CSMD1: variants seen among roughly 807,000 people sequenced by gnomAD.
CSMD1 encodes the protein CUB and Sushi multiple domains 1.
Under a neutral mutation model 417.5 loss-of-function variants are expected in CSMD1, and 213 were observed. The ratio of observed to expected loss-of-function variants is 0.51; its 90% CI spans 0.46 to 0.57. The LOEUF is 0.57. Among genes scored for constraint, CSMD1 ranks in the 20% least tolerant of loss-of-function variants. The pLI, the probability that CSMD1 is intolerant of heterozygous loss-of-function variation, is 0.00. For missense variants in CSMD1, 6,923 were observed against 4,529.7 expected (o/e 1.53, Z -15.17); for synonymous variants, 2,862 against 1,736.8 (o/e 1.65, Z -16.11).
At chr8:4,030,739 T>A (rs1325468845) in intron 4 of CSMD1, among the ~76,000 whole-genome samples, 1 of 152,186 alleles carries the variant, frequency 6.6e-6, no homozygotes, top group Non-Finnish European at 1.5e-5. Context: ...GGGATTTTCT[T>A]TTCTATCACA....
chr8:3,653,525 T>A (rs1484406413), intron 7 of CSMD1, among the ~76,000 whole-genome samples: 2 of 152,158 alleles, frequency 1.3e-5, no homozygotes, highest in African/African-American at 4.8e-5. Flanking sequence ...GCCAAGCTGG[T>A]CTCGAACTCC....
chr8:4,541,135 C>A (rs1797365135), intron 2 of CSMD1, among the ~76,000 whole-genome samples: 2 of 152,068 alleles, frequency 1.3e-5, no homozygotes, highest in South Asian at 4.1e-4. Context: ...GATTTTTTTA[C>A]CACCAATTTA....
At chr8:4,161,840 ATTT>A (rs918534749) in intron 3 of CSMD1, among the ~76,000 whole-genome samples, 1 of 152,260 alleles carries the variant, frequency 6.6e-6, no homozygotes, top group Non-Finnish European at 1.5e-5. Flanking sequence ...ATGTCACTGC[ATTT>A]TTTTCTTTGC....
At chr8:3,389,187 G>C (rs1811199065) in intron 17 of CSMD1, among the ~76,000 whole-genome samples, 2 of 152,088 alleles carry the variant, frequency 1.3e-5, no homozygotes, top group Admixed American at 1.3e-4. Flanking sequence ...TGTCATGGGA[G>C]TTTGTTGTAC....
intron 2 of CSMD1, among the ~76,000 whole-genome samples, chr8:4,449,823 C>G (rs1799027851): frequency 6.6e-6 from 1 of 152,098 alleles, no homozygotes; most frequent in Admixed American, 6.5e-5. Context: ...GCTTCCCCTC[C>G]TACGTTCCCT....
At chr8:4,563,744 T>G (rs1157596847) in intron 2 of CSMD1, among the ~76,000 whole-genome samples, 1 of 152,174 alleles carries the variant, frequency 6.6e-6, no homozygotes, top group African/African-American at 2.4e-5. Context: ...CCTGTTGACA[T>G]GTTAACATGA....
In CSMD1 at chr8:3,588,029, C is replaced by T. The variant is rs529595145; in HGVS notation, c.1098-1769G>A. ...ATCTGTAATTGTAGACATATTCTGC[C>T]GCCATCGTTTTTGATCATTGGTCTG... On this transcript the variant is annotated intron_variant, in intron 8 of 69. Coordinates refer to ENST00000635120, the MANE Select transcript of CSMD1 (RefSeq NM_033225.6). Among the ~76,000 whole-genome samples, 9 of 152,156 alleles carry T rather than the reference C, an allele frequency of 5.9e-5. No homozygotes were observed. The South Asian group carries it at 8.4e-4, about 14-fold the overall frequency.
At chr8:4,975,738 T>A (rs1434969049) in intron 1 of CSMD1, among the ~76,000 whole-genome samples, 1 of 152,178 alleles carries the variant, frequency 6.6e-6, no homozygotes, top group South Asian at 2.1e-4. Context: ...GCTGAGACAA[T>A]GAAGACACGG....
intron 1 of CSMD1, among the ~76,000 whole-genome samples, chr8:4,810,363 C>A (rs779127644): frequency 6.6e-6 from 1 of 152,048 alleles, no homozygotes; most frequent in Admixed American, 6.6e-5. Context: ...TTGTTTTTGA[C>A]TTTTGATAAT....
chr8:4,264,046 T>C (rs1055820295), intron 3 of CSMD1, among the ~76,000 whole-genome samples: 9 of 152,154 alleles, frequency 5.9e-5, no homozygotes, highest in African/African-American at 1.7e-4. Flanking sequence ...TTGGGCAAGT[T>C]TGTTAACTAC....
At chr8:4,714,705 C>T (rs1289797492) in intron 1 of CSMD1, among the ~76,000 whole-genome samples, 7 of 151,974 alleles carry the variant, frequency 4.6e-5, no homozygotes, top group Non-Finnish European at 7.4e-5. Context: ...CAAATTTACT[C>T]GAGAATACAA....
At chr8:3,996,738 G>A (rs1815253163) in intron 5 of CSMD1, among the ~76,000 whole-genome samples, 2 of 152,082 alleles carry the variant, frequency 1.3e-5, no homozygotes, top group Admixed American at 6.5e-5. Flanking sequence ...GAATTTGTTT[G>A]GTTTCTTCCT....
Position 3,070,481 on chromosome 8 carries a change from C to CT in CSMD1, c.7474+16615dup, listed in dbSNP as rs575661309. Among the ~76,000 whole-genome samples the CT allele has an allele frequency of 2.9e-3, 444 of 152,278 alleles. 1 individual carries two copies. Among genetic ancestry groups the CT allele is most frequent in the African/African-American group, 0.01 (420 of 41,578 alleles). ...TGAATGTTTTGCTGCTTTGAAATTTCTTTAACCAGATACCCAACTCATTAT... is the reference window on the plus strand; with the variant it reads ...TGAATGTTTTGCTGCTTTGAAATTTCTTTTAACCAGATACCCAACTCATTAT... On this transcript the variant is annotated intron_variant, in intron 49 of 69. Coordinates refer to ENST00000635120, the MANE Select transcript of CSMD1 (RefSeq NM_033225.6).
Position 2,950,321 on chromosome 8 carries a change from G to C in CSMD1, c.10224C>G (p.Ala3408=), listed in dbSNP as rs757540481. The C allele has an allele frequency of 6.2e-7, 1 of 1,612,756 alleles. No individual in the cohort carries two copies. The highest frequency in any genetic ancestry group is 8.5e-7 in the Non-Finnish European group (1 of 1,178,876). Residue 3408 remains alanine, a synonymous_variant, in exon 67 of 70, where the codon GCC becomes GCG. Coordinates refer to ENST00000635120, the MANE Select transcript of CSMD1 (RefSeq NM_033225.6). ...KLTGIYKKEE[A]HLLLKAFQIK... ...TTTGAAAAGCTTTCAGGAGTAAGTG[G>C]GCCTCCTCCTTCTTGTAAATGCCTG...
chr8:3,977,032 G>C (rs1813487412), intron 5 of CSMD1, among the ~76,000 whole-genome samples: 1 of 152,166 alleles, frequency 6.6e-6, no homozygotes, highest in African/African-American at 2.4e-5. Flanking sequence ...GAATGGGTGA[G>C]ACGGGATTAC....
At chr8:4,761,683 G>C (rs1812079000) in intron 1 of CSMD1, among the ~76,000 whole-genome samples, 1 of 152,068 alleles carries the variant, frequency 6.6e-6, no homozygotes, top group African/African-American at 2.4e-5. Flanking sequence ...ATAATTAGGT[G>C]TTTTTGCTCA....
intron 3 of CSMD1, among the ~76,000 whole-genome samples, chr8:4,040,936 T>A (rs1238994218): frequency 2.0e-5 from 3 of 152,052 alleles, no homozygotes; most frequent in African/African-American, 7.2e-5. Context: ...AATTATTAAA[T>A]AATCTTATGG....
At chr8:4,751,899 G>A (rs1029844175) in intron 1 of CSMD1, among the ~76,000 whole-genome samples, 1 of 152,036 alleles carries the variant, frequency 6.6e-6, no homozygotes, top group Non-Finnish European at 1.5e-5. Context: ...CACTTTCTCA[G>A]TAAAGTGTTA....
intron 5 of CSMD1, among the ~76,000 whole-genome samples, chr8:3,954,816 G>A (rs147788271): frequency 2.2e-3 from 336 of 152,134 alleles, no homozygotes; most frequent in African/African-American, 7.7e-3. Context: ...CCCCTCGGAA[G>A]CGAGCATGCG....
Sources: gnomAD v4.1 joint callset for allele counts (sites outside exome capture counted in the v4.1 genomes callset) on GRCh38, gnomAD v4.1.1 for gene constraint, MANE v1.5 for transcripts, NCBI Gene and HGNC (gene_info 2026-07-23, HGNC 2026-07-21) for gene names.